Variants in STPG2 observed in about 807,000 individuals in gnomAD.
The protein encoded by STPG2 is sperm-tail PG-rich repeat-containing protein 2.
In STPG2, 56 loss-of-function variants were observed where a neutral mutation model predicts 54.2. The observed-to-expected ratio is 1.03, with a 90% CI of 0.83 to 1.29. The LOEUF (loss-of-function observed/expected upper bound fraction) is 1.29, where lower values mean the gene tolerates loss of function less well. Ranked by LOEUF, STPG2 falls within the 50% of genes most tolerant of loss-of-function variation. STPG2 has a pLI of 0.00. For synonymous variants in STPG2, 200 were observed against 181.8 expected (o/e 1.10, Z -0.81); for missense variants, 596 against 544.9 (o/e 1.09, Z -0.93).
chr4:97,956,015 T>C (rs776428044), intron 7 of STPG2, among the ~76,000 whole-genome samples: 1 of 152,122 alleles, frequency 6.6e-6, no homozygotes, highest in Non-Finnish European at 1.5e-5. Flanking sequence ...CCATTTTTCA[T>C]AAAAATGCAA....
Position 97,545,381 on chromosome 4 carries a change from G to A in STPG2, c.462+167318C>T, listed in dbSNP as rs1731812636. Among the ~76,000 whole-genome samples, 3 of 152,206 alleles carry A rather than the reference G, an allele frequency of 2.0e-5. No individual in the cohort carries two copies. In the South Asian group the frequency reaches 6.2e-4, roughly 32 times the overall value. On this transcript the variant is annotated intron_variant, in intron 4 of 4. Coordinates refer to the STPG2 transcript ENST00000522676. The stretch of plus-strand genomic sequence containing the variant: ...CTATAAACAAGCTTCTTCACACAGA[G>A]TCCCAGGAGCTTTTCACTTTAAGAA...
intron 3 of STPG2, among the ~76,000 whole-genome samples, chr4:98,124,364 C>T (rs1008177449): frequency 6.6e-6 from 1 of 152,146 alleles, no homozygotes; most frequent in Non-Finnish European, 1.5e-5. Flanking sequence ...TCTGATAAGG[C>T]AGGCCTGGTG....
At chr4:97,561,530 T>C (rs189955822) in intron 10 of STPG2, among the ~76,000 whole-genome samples, 2,595 of 152,306 alleles carry the variant, frequency 0.017, 66 homozygotes, top group African/African-American at 0.058. Context: ...CCCATGCCTA[T>C]GTCCTGAATG....
At chr4:97,582,105 C>T (rs2148891532) in intron 10 of STPG2, among the ~76,000 whole-genome samples, 2 of 152,046 alleles carry the variant, frequency 1.3e-5, no homozygotes, top group South Asian at 2.1e-4. Context: ...GCTCCTGGAA[C>T]CACCCCCTCT....
At chr4:97,485,987 C>A (rs1180721369) in intron 4 of STPG2, among the ~76,000 whole-genome samples, 2 of 151,778 alleles carry the variant, frequency 1.3e-5, no homozygotes, top group African/African-American at 4.8e-5. Context: ...ATTGCCCAGC[C>A]ATATGTAGGA....
At chr4:98,126,908 A>G (rs900116291) in intron 3 of STPG2, among the ~76,000 whole-genome samples, 7 of 152,106 alleles carry the variant, frequency 4.6e-5, no homozygotes, top group African/African-American at 7.2e-5. Context: ...AAGTTTTTCT[A>G]TAAGTCTGAA....
At chr4:97,764,951 C>T (rs1725994546) in intron 9 of STPG2, among the ~76,000 whole-genome samples, 1 of 151,914 alleles carries the variant, frequency 6.6e-6, no homozygotes, top group East Asian at 1.9e-4. Context: ...ATGCAGGGCC[C>T]CATCATAGTT....
intron 8 of STPG2, among the ~76,000 whole-genome samples, chr4:97,894,654 A>C (rs1730894355): frequency 6.6e-6 from 1 of 151,824 alleles, no homozygotes; most frequent in Admixed American, 6.6e-5. Flanking sequence ...GCATATTCAA[A>C]TGCTCAATAT....
chr4:97,704,888 A>G (rs1723892909), intron 10 of STPG2, among the ~76,000 whole-genome samples: 1 of 152,196 alleles, frequency 6.6e-6, no homozygotes, highest in Non-Finnish European at 1.5e-5. Context: ...ATTAAAAAGC[A>G]TATATAATTT....
intron 4 of STPG2, among the ~76,000 whole-genome samples, chr4:97,468,483 G>A (rs1352505225): frequency 1.3e-5 from 2 of 151,934 alleles, no homozygotes; most frequent in Non-Finnish European, 2.9e-5. Flanking sequence ...CTCCATACAA[G>A]CATCAGTCAT....
At chr4:97,820,352 A>C (rs1397677366) in intron 9 of STPG2, among the ~76,000 whole-genome samples, 1 of 152,106 alleles carries the variant, frequency 6.6e-6, no homozygotes, top group Admixed American at 6.5e-5. Flanking sequence ...TAATAACCCA[A>C]CAATGACCTG....
At chr4:98,021,595 C>A (rs1415559144) in intron 5 of STPG2, among the ~76,000 whole-genome samples, 1 of 152,104 alleles carries the variant, frequency 6.6e-6, no homozygotes, top group Admixed American at 6.6e-5. Context: ...TCTCATTGAT[C>A]GGTCTAATGT....
intron 10 of STPG2, among the ~76,000 whole-genome samples, chr4:97,611,520 A>C (rs1733730070): frequency 6.6e-6 from 1 of 152,016 alleles, no homozygotes; most frequent in Non-Finnish European, 1.5e-5. Context: ...AAAATATATT[A>C]CATTTAGGCC....
intron 8 of STPG2, among the ~76,000 whole-genome samples, chr4:97,857,200 T>A (rs1729365465): frequency 6.6e-6 from 1 of 152,114 alleles, no homozygotes; most frequent in Admixed American, 6.5e-5. Flanking sequence ...AGTCTCTTCT[T>A]TTCAACTTTT....
chr4:97,779,712 A>G (rs1469474861), intron 9 of STPG2, among the ~76,000 whole-genome samples: 1 of 152,250 alleles, frequency 6.6e-6, no homozygotes, highest in Non-Finnish European at 1.5e-5. Flanking sequence ...ATGGAAGTCC[A>G]TCAGACTAAC....
At chr4:97,780,965 C>A (rs1726583962) in intron 9 of STPG2, among the ~76,000 whole-genome samples, 1 of 151,822 alleles carries the variant, frequency 6.6e-6, no homozygotes, top group Admixed American at 6.6e-5. Context: ...ACTAAATGCC[C>A]ACAAGAGAAA....
intron 8 of STPG2, among the ~76,000 whole-genome samples, chr4:97,905,214 G>A (rs28807700): frequency 0.062 from 9,331 of 151,710 alleles, 369 homozygotes; most frequent in Admixed American, 0.12. Flanking sequence ...GAGAAAGGTC[G>A]GGTTACCCTC....
chr4:97,598,193 T>G (rs191206716), intron 10 of STPG2, among the ~76,000 whole-genome samples: 1 of 151,722 alleles, frequency 6.6e-6, no homozygotes, highest in African/African-American at 2.4e-5. Flanking sequence ...AGGTGAAATA[T>G]CTCTACAGAA....
chr4:97,925,258 G>A (rs1341126648), intron 8 of STPG2, among the ~76,000 whole-genome samples: 2 of 152,140 alleles, frequency 1.3e-5, no homozygotes, highest in African/African-American at 2.4e-5. Context: ...TTATCACAGT[G>A]CATCATGTTC....
Sources: gnomAD v4.1 joint callset for allele counts (sites outside exome capture counted in the v4.1 genomes callset) on GRCh38, gnomAD v4.1.1 for gene constraint, MANE v1.5 for transcripts, NCBI Gene and HGNC (gene_info 2026-07-23, HGNC 2026-07-21) for gene names.